Variants in IFT74 observed in about 807,000 individuals in gnomAD.
IFT74 encodes intraflagellar transport protein 74 homolog.
Under a neutral mutation model 96.7 loss-of-function variants are expected in IFT74, and 92 were observed. The observed-to-expected ratio is 0.95, with a 90% CI of 0.80 to 1.13. The LOEUF is 1.13. Ranked by LOEUF, IFT74 falls within the 50% of genes most tolerant of loss-of-function variation. The probability of loss-of-function intolerance (pLI) is 0.00; values close to 1 mark genes in which losing one functional copy is unlikely to be tolerated. For synonymous variants in IFT74, 223 were observed against 213.2 expected (o/e 1.05, Z -0.40); for missense variants, 811 against 698.2 (o/e 1.16, Z -1.82).
chr9:27,000,708 A>G (rs1390524151), intron 8 of IFT74, among the ~76,000 whole-genome samples: 3 of 152,206 alleles, frequency 2.0e-5, no homozygotes, highest in Admixed American at 6.5e-5. Flanking sequence ...GAGCATCAGA[A>G]AATAGCTAAT....
At chr9:26,976,871 A>G (rs544382716) in intron 2 of IFT74, 12 of 440,086 alleles carry the variant, frequency 2.7e-5, no homozygotes, top group Middle Eastern at 3.6e-4. Flanking sequence ...TACCTGAAGT[A>G]GAGAATCTTG....
intron 10 of IFT74, among the ~76,000 whole-genome samples, chr9:27,015,953 G>T (rs868114017): frequency 3.3e-5 from 5 of 151,962 alleles, no homozygotes; most frequent in Non-Finnish European, 7.4e-5. Context: ...TTTTGGTGTT[G>T]TTAGCTAATA....
intron 13 of IFT74, among the ~76,000 whole-genome samples, chr9:27,032,718 T>C (rs1482810803): frequency 1.3e-5 from 2 of 151,910 alleles, no homozygotes; most frequent in Non-Finnish European, 2.9e-5. Context: ...ATACAAAAAT[T>C]AGCTAGGCAT....
At chr9:27,010,513 G>A (rs1829012592) in intron 9 of IFT74, among the ~76,000 whole-genome samples, 1 of 141,310 alleles carries the variant, frequency 7.1e-6, no homozygotes, top group African/African-American at 2.6e-5. Flanking sequence ...TTTTTGAGAC[G>A]GAGTTTCGCT....
At chr9:27,027,876 C>G (rs1379159098) in intron 12 of IFT74, among the ~76,000 whole-genome samples, 1 of 152,062 alleles carries the variant, frequency 6.6e-6, no homozygotes, top group Non-Finnish European at 1.5e-5. Flanking sequence ...ATCTAAGAAA[C>G]CAATGCCTAA....
chr9:26,952,608 C>T (rs1358933454), upstream of IFT74, among the ~76,000 whole-genome samples: 1 of 152,154 alleles, frequency 6.6e-6, no homozygotes, highest in Non-Finnish European at 1.5e-5. Flanking sequence ...AATAATAATG[C>T]ATTCCTTGGT....
intron 2 of IFT74, among the ~76,000 whole-genome samples, chr9:26,968,589 G>A (rs1017927231): frequency 2.6e-5 from 4 of 152,082 alleles, no homozygotes; most frequent in East Asian, 1.9e-4. Flanking sequence ...CTTGGATCTC[G>A]TTATTGTTAT....
intron 12 of IFT74, among the ~76,000 whole-genome samples, chr9:27,028,149 GAT>G (rs1490092476): frequency 2.0e-5 from 3 of 152,060 alleles, no homozygotes; most frequent in Non-Finnish European, 4.4e-5. Context: ...TTAGTCCATT[GAT>G]ATATATGTCT....
At chr9:26,987,379 C>T (rs778793060) in intron 6 of IFT74, among the ~76,000 whole-genome samples, 22 of 152,050 alleles carry the variant, frequency 1.4e-4, no homozygotes, top group Non-Finnish European at 2.2e-4. Context: ...CATGAGCCAC[C>T]GCGCCCGGCC....
intron 10 of IFT74, among the ~76,000 whole-genome samples, chr9:27,014,730 C>T (rs574810620): frequency 4.6e-5 from 7 of 152,318 alleles, no homozygotes; most frequent in African/African-American, 1.7e-4. Context: ...CTGCCTCAGC[C>T]TCCCGAGTAG....
chr9:26,955,517 G>A (rs138585831), upstream of IFT74, among the ~76,000 whole-genome samples: 1 of 152,190 alleles, frequency 6.6e-6, no homozygotes, highest in Non-Finnish European at 1.5e-5. Flanking sequence ...AAGGGTGTTG[G>A]GGGGCAGGGT....
Position 27,065,122 on chromosome 9 carries a change from GAAA to G in IFT74, c.*2391_*2393del, listed in dbSNP as rs1820569518. ...ATTATAACAATGGGAAATTTGGCAG[GAAA>G]AAAATTTCTTGACAAAAAGCAAGGC... is the stretch of plus-strand genomic sequence containing the variant. On this transcript the variant is annotated 3_prime_UTR_variant, in exon 20 of 20. Transcript: ENST00000380062. 6.6e-6 allele frequency among the ~76,000 whole-genome samples: 1 copy of G among 152,036 alleles called. No individual in the cohort carries two copies. The highest frequency in any genetic ancestry group is 1.5e-5 in the Non-Finnish European group (1 of 67,980).
chr9:26,993,151 G>A (rs1355485207), intron 8 of IFT74: 1 of 151,996 alleles, frequency 6.6e-6, no homozygotes, highest in Non-Finnish European at 1.5e-5. Flanking sequence ...TTTTCTTTGT[G>A]TAGTCAGATA....
intron 1 of IFT74, among the ~76,000 whole-genome samples, chr9:26,950,239 G>A (rs1309798467): frequency 1.3e-5 from 2 of 151,868 alleles, no homozygotes; most frequent in African/African-American, 4.8e-5. Flanking sequence ...TTGAACCCGG[G>A]AGGGGGAGGT....
At chr9:27,022,778 G>A (rs1005124956) in intron 12 of IFT74, among the ~76,000 whole-genome samples, 4 of 151,932 alleles carry the variant, frequency 2.6e-5, no homozygotes, top group Non-Finnish European at 4.4e-5. Flanking sequence ...GAGTAGCTGG[G>A]ACTAAAGGCA....
At chr9:27,045,917 A>G (rs1242811458) in intron 14 of IFT74, among the ~76,000 whole-genome samples, 2 of 152,196 alleles carry the variant, frequency 1.3e-5, no homozygotes. Context: ...GTGTCATGAC[A>G]CCACAGTATT....
intron 10 of IFT74, among the ~76,000 whole-genome samples, chr9:27,013,406 C>T (rs372612479): frequency 5.3e-5 from 8 of 152,210 alleles, no homozygotes; most frequent in East Asian, 3.9e-4. Flanking sequence ...ACATTTTATG[C>T]GAAGTTATAT....
intron 13 of IFT74, among the ~76,000 whole-genome samples, chr9:27,038,467 G>T (rs573250548): frequency 6.6e-6 from 1 of 152,238 alleles, no homozygotes; most frequent in East Asian, 1.9e-4. Flanking sequence ...TCACCATATT[G>T]CCCAGGCTGC....
rs193237591 is a variant in IFT74 at position 27,063,690 on chromosome 9, C to G, written c.*954C>G. ...CTACTTTTCAGTATTTCTGAAACAACACATTGATTTCTTAAACCAAAATAG... is the reference window on the plus strand; with the variant it reads ...CTACTTTTCAGTATTTCTGAAACAAGACATTGATTTCTTAAACCAAAATAG... On this transcript the variant is annotated 3_prime_UTR_variant, in exon 20 of 20. Transcript: ENST00000380062. Among the ~76,000 whole-genome samples the G allele has an allele frequency of 3.7e-4, 56 of 152,050 alleles. No individual in the cohort carries two copies. Among genetic ancestry groups the G allele is most frequent in the Non-Finnish European group, 5.3e-4 (36 of 67,954 alleles).
Sources: gnomAD v4.1 joint callset for allele counts (sites outside exome capture counted in the v4.1 genomes callset) on GRCh38, gnomAD v4.1.1 for gene constraint, MANE v1.5 for transcripts, NCBI Gene and HGNC (gene_info 2026-07-23, HGNC 2026-07-21) for gene names.